TRHDE: variants seen among roughly 807,000 people sequenced by gnomAD.
TRHDE encodes the protein thyrotropin releasing hormone degrading enzyme.
A neutral mutation model predicts 125.7 loss-of-function variants in TRHDE; 72 were observed. The observed-to-expected ratio is 0.57, with a 90% CI of 0.47 to 0.70. The LOEUF (loss-of-function observed/expected upper bound fraction) is 0.70, where lower values mean the gene tolerates loss of function less well. Among genes scored for constraint, TRHDE ranks in the 30% least tolerant of loss-of-function variants. The pLI is 0.00. For synonymous variants in TRHDE, 509 were observed against 509.1 expected (o/e 1.00, Z 0.00); for missense variants, 1,110 against 1,327.1 (o/e 0.84, Z 2.54).
intron 6 of TRHDE, among the ~76,000 whole-genome samples, chr12:72,522,508 T>A (rs1490785632): frequency 6.6e-6 from 1 of 152,204 alleles, no homozygotes; most frequent in Non-Finnish European, 1.5e-5. Context: ...CAAATTGAAT[T>A]TCTAATTGCT....
At chr12:72,514,218 C>A (rs754473192) in intron 6 of TRHDE, among the ~76,000 whole-genome samples, 1 of 152,000 alleles carries the variant, frequency 6.6e-6, no homozygotes, top group Non-Finnish European at 1.5e-5. Context: ...AATTTACAGT[C>A]AAAAATCACC....
chr12:72,376,448 G>A (rs1013584170), intron 2 of TRHDE, among the ~76,000 whole-genome samples: 18 of 152,132 alleles, frequency 1.2e-4, no homozygotes, highest in Non-Finnish European at 1.8e-4. Context: ...GTCAAGTTCT[G>A]CTGTTGCAGG....
intron 2 of TRHDE, among the ~76,000 whole-genome samples, chr12:72,346,392 G>T (rs1054458518): frequency 6.6e-6 from 1 of 152,052 alleles, no homozygotes; most frequent in African/African-American, 2.4e-5. Context: ...TGGTGGAAAT[G>T]CATGCTAAAA....
At chr12:72,589,015 T>C (rs1592556788) in intron 12 of TRHDE, among the ~76,000 whole-genome samples, 1 of 152,118 alleles carries the variant, frequency 6.6e-6, no homozygotes, top group East Asian at 1.9e-4. Flanking sequence ...CCACCCTCAT[T>C]ATTCAATTAC....
intron 2 of TRHDE, among the ~76,000 whole-genome samples, chr12:72,228,825 C>G (rs1479971532): frequency 6.6e-6 from 1 of 152,188 alleles, no homozygotes; most frequent in Non-Finnish European, 1.5e-5. Flanking sequence ...CAAAGTTCCA[C>G]AAATCTCTAG....
At chr12:72,175,734 T>A (rs1208956886) in intron 2 of TRHDE, among the ~76,000 whole-genome samples, 4 of 152,218 alleles carry the variant, frequency 2.6e-5, no homozygotes, top group African/African-American at 9.6e-5. Context: ...ATACTGCCAA[T>A]GCAAATATTA....
chr12:72,394,692 G>T (rs1279121461), intron 3 of TRHDE, among the ~76,000 whole-genome samples: 1 of 152,074 alleles, frequency 6.6e-6, no homozygotes, highest in African/African-American at 2.4e-5. Context: ...CTCAAGTGTG[G>T]GCAATTTTCC....
At chr12:72,437,666 G>T (rs899832754) in intron 3 of TRHDE, among the ~76,000 whole-genome samples, 3 of 151,654 alleles carry the variant, frequency 2.0e-5, no homozygotes, top group African/African-American at 7.3e-5. Context: ...TTTAAAAATT[G>T]ACATGCAATT....
intron 2 of TRHDE, among the ~76,000 whole-genome samples, chr12:72,330,167 A>G (rs2135718604): frequency 6.6e-6 from 1 of 152,292 alleles, no homozygotes; most frequent in Non-Finnish European, 1.5e-5. Context: ...AATCGGTAAC[A>G]GGCAGTGCCC....
chr12:72,556,669 C>T (rs535823799), intron 7 of TRHDE, among the ~76,000 whole-genome samples: 1 of 152,294 alleles, frequency 6.6e-6, no homozygotes, highest in South Asian at 2.1e-4. Flanking sequence ...GCCTTCTTCC[C>T]AGATTCCATT....
At chr12:72,397,575 A>T (rs1334296961) in intron 3 of TRHDE, among the ~76,000 whole-genome samples, 1 of 151,854 alleles carries the variant, frequency 6.6e-6, no homozygotes, top group Non-Finnish European at 1.5e-5. Flanking sequence ...CCTTGTGCTC[A>T]CCCCTCCCTA....
chr12:72,394,467 C>T (rs1167378768), intron 3 of TRHDE, among the ~76,000 whole-genome samples: 1 of 152,150 alleles, frequency 6.6e-6, no homozygotes, highest in Non-Finnish European at 1.5e-5. Context: ...CCCAGGGCAT[C>T]CCTTATCACC....
At chr12:72,465,729 AACCT>A (rs1876340988) in intron 3 of TRHDE, among the ~76,000 whole-genome samples, 1 of 152,194 alleles carries the variant, frequency 6.6e-6, no homozygotes, top group African/African-American at 2.4e-5. Context: ...TTAAATTATA[AACCT>A]ATCATATAAG....
chr12:72,088,630 A>G (rs1592435496), intron 1 of TRHDE, among the ~76,000 whole-genome samples: 2 of 152,110 alleles, frequency 1.3e-5, no homozygotes, highest in Non-Finnish European at 2.9e-5. Context: ...AATGGAAATG[A>G]TGAAATATCT....
intron 3 of TRHDE, among the ~76,000 whole-genome samples, chr12:72,456,209 A>C (rs1051053492): frequency 2.7e-5 from 4 of 149,578 alleles, no homozygotes; most frequent in African/African-American, 7.4e-5. Flanking sequence ...ATGTTCCTTG[A>C]GTTGGTTAGC....
upstream of TRHDE, among the ~76,000 whole-genome samples, chr12:72,268,561 C>A (rs922512051): frequency 6.6e-6 from 1 of 151,944 alleles, no homozygotes; most frequent in Non-Finnish European, 1.5e-5. Context: ...TTCTTTCCCC[C>A]GAGCCAAGCT....
chr12:72,147,005 G>A (rs1457582672), intron 2 of TRHDE, among the ~76,000 whole-genome samples: 4 of 152,224 alleles, frequency 2.6e-5, no homozygotes, highest in East Asian at 1.9e-4. Context: ...GGCCCTGGCC[G>A]AACTCCCCTC....
intron 2 of TRHDE, chr12:72,163,275 C>T (rs1297137739): frequency 6.6e-6 from 1 of 152,254 alleles, no homozygotes; most frequent in Non-Finnish European, 1.5e-5. Context: ...GCAGCTCCTC[C>T]TTTGCCTGAT....
At chr12:72,523,148 C>T (rs545771279) in intron 6 of TRHDE, among the ~76,000 whole-genome samples, 6 of 152,024 alleles carry the variant, frequency 3.9e-5, no homozygotes, top group Admixed American at 1.3e-4. Context: ...AATAGAACAC[C>T]GTTTCTTTTT....
Sources: allele counts gnomAD v4.1 joint callset (sites outside exome capture counted in the v4.1 genomes callset), GRCh38; gene constraint gnomAD v4.1.1; transcripts MANE v1.5; gene names NCBI Gene and HGNC (gene_info 2026-07-23, HGNC 2026-07-21).